SCFD1: variants seen among roughly 807,000 people sequenced by gnomAD.
SCFD1 encodes sec1 family domain containing 1, also known as sec1 family domain-containing protein 1.
Under a neutral mutation model 103.2 loss-of-function variants are expected in SCFD1, and 37 were observed. The observed-to-expected ratio is 0.36, with a 90% CI of 0.28 to 0.47. The LOEUF (loss-of-function observed/expected upper bound fraction) is 0.47, where lower values mean the gene tolerates loss of function less well. SCFD1 is among the 20% of genes least tolerant of loss of function. The pLI is 1.00. For synonymous variants in SCFD1, 264 were observed against 245.0 expected (o/e 1.08, Z -0.73); for missense variants, 639 against 761.2 (o/e 0.84, Z 1.89).
At chr14:30,638,031 T>G in intron 4 of SCFD1, 94 bp from the exon 5 acceptor site, 1 of 1,335,776 alleles carries the variant, frequency 7.5e-7, no homozygotes, top group Non-Finnish European at 9.8e-7. Context: ...AAATATCCTG[T>G]CTTTTAAATA....
At chr14:30,721,674 T>C in intron 21 of SCFD1, 1 of 539,018 alleles carries the variant, frequency 1.9e-6, no homozygotes, top group South Asian at 2.6e-5. Flanking sequence ...TTTTAGACTC[T>C]GAGATATCTC....
chr14:30,707,038 C>A (rs564880473), intron 18 of SCFD1, among the ~76,000 whole-genome samples: 79 of 152,266 alleles, frequency 5.2e-4, no homozygotes, highest in Non-Finnish European at 1.1e-3. Flanking sequence ...TCCATCTCTT[C>A]ATTTCAGAGG....
intron 19 of SCFD1, among the ~76,000 whole-genome samples, chr14:30,714,189 T>C (rs1317662061): frequency 5.2e-5 from 5 of 97,044 alleles, no homozygotes; most frequent in African/African-American, 7.4e-5. Flanking sequence ...CTACTAAAAA[T>C]ACAAAAAAAA....
intron 19 of SCFD1, 102 bp from the exon 20 acceptor site, chr14:30,715,822 A>G (rs1892240931): frequency 1.6e-5 from 10 of 622,298 alleles, no homozygotes; most frequent in Middle Eastern, 3.9e-4. Flanking sequence ...GAATGTGTTT[A>G]ATTGAAAGGT....
At chr14:30,639,715 A>C (rs1885077370) in intron 5 of SCFD1, 62 bp from the exon 6 acceptor site, 2 of 1,457,356 alleles carry the variant, frequency 1.4e-6, no homozygotes, top group African/African-American at 2.9e-5. Flanking sequence ...GAGCAAACTA[A>C]ATTTACTTTC....
intron 14 of SCFD1, among the ~76,000 whole-genome samples, chr14:30,684,408 G>C (rs938662466): frequency 6.6e-6 from 1 of 152,182 alleles, no homozygotes; most frequent in Non-Finnish European, 1.5e-5. Flanking sequence ...AACCCTGTGG[G>C]CTATAGCCAG....
intron 21 of SCFD1, 32 bp downstream of exon 21, chr14:30,719,409 AT>A (rs771342119): frequency 8.4e-6 from 13 of 1,543,388 alleles, no homozygotes; most frequent in South Asian, 5.8e-5. Context: ...TAACTTGTGG[AT>A]TTTTTCCCCT....
chr14:30,630,574 T>G lies in SCFD1; in HGVS notation c.221+9T>G, dbSNP rs1566574741. 6.8e-7 allele frequency: 1 copy of G among 1,477,486 alleles called. No homozygotes were observed. Among genetic ancestry groups the G allele is most frequent in the Non-Finnish European group, 9.4e-7 (1 of 1,058,392 alleles). The allele number at this position is 1,477,486 out of a possible 1,614,324, so 91.5% of individuals were successfully genotyped here. On this transcript the variant is annotated intron_variant, in intron 3 of 24. Transcript: ENST00000458591. ...GGAATCACTCTGCATCTGTGAGTTT[T>G]TACATATTTCTAATAGTGGTATTCA...
At chr14:30,702,208 G>T in intron 16 of SCFD1, 88 bp from the exon 17 acceptor site, 2 of 853,962 alleles carry the variant, frequency 2.3e-6, no homozygotes, top group Non-Finnish European at 1.9e-6. Flanking sequence ...CATGCCTTTG[G>T]TCTTACTTTT....
chr14:30,670,449 T>G, intron 11 of SCFD1, 54 bp downstream of exon 11: 2 of 1,313,128 alleles, frequency 1.5e-6, no homozygotes. Flanking sequence ...GAAATTAAGG[T>G]GTCATCCACC....
Position 30,719,461 on chromosome 14 carries a change from T to C in SCFD1, c.1736+84T>C. ...TTTTTTTATTATATAGTACTGCTTA[T>C]TAAAAATCCAAACTATATGGAAAAC... On this transcript the variant is annotated intron_variant, in intron 21 of 24. Transcript: ENST00000458591. The C allele has an allele frequency of 5.5e-6, 5 of 915,394 alleles. No individual in the cohort carries two copies. In the South Asian group the frequency reaches 7.5e-5, roughly 14 times the overall value. The allele number at this position is 915,394 out of a possible 1,614,324, so 56.7% of individuals were successfully genotyped here.
At chr14:30,720,583 A>G (rs749851526) in intron 21 of SCFD1, among the ~76,000 whole-genome samples, 1 of 152,170 alleles carries the variant, frequency 6.6e-6, no homozygotes, top group African/African-American at 2.4e-5. Context: ...GGATGGTTGA[A>G]TCTATACAGA....
At chr14:30,694,691 A>T in intron 14 of SCFD1, 82 bp from the exon 15 acceptor site, 1 of 1,452,402 alleles carries the variant, frequency 6.9e-7, no homozygotes, top group East Asian at 2.7e-5. Context: ...TGATCATAGA[A>T]AATAGAAACT....
At chr14:30,654,245 G>A (rs1378717641) in intron 10 of SCFD1, among the ~76,000 whole-genome samples, 3 of 152,166 alleles carry the variant, frequency 2.0e-5, no homozygotes, top group African/African-American at 7.2e-5. Context: ...ATAGACAGAC[G>A]TTAAAGAATT....
chr14:30,733,277 A>C (rs1594782388), intron 23 of SCFD1, among the ~76,000 whole-genome samples: 1 of 152,044 alleles, frequency 6.6e-6, no homozygotes, highest in South Asian at 2.1e-4. Flanking sequence ...CAAAGTGCTG[A>C]GATTACAGGC....
chr14:30,666,947 T>C (rs1888032179), intron 10 of SCFD1, among the ~76,000 whole-genome samples: 1 of 152,030 alleles, frequency 6.6e-6, no homozygotes, highest in African/African-American at 2.4e-5. Context: ...CAGGACCAGG[T>C]GAATTCACAG....
intron 7 of SCFD1, among the ~76,000 whole-genome samples, chr14:30,645,857 A>G (rs1012041785): frequency 6.6e-6 from 1 of 152,208 alleles, no homozygotes; most frequent in African/African-American, 2.4e-5. Context: ...GACTTCCAGT[A>G]CTATGTTAAA....
chr14:30,704,338 CA>C (rs1394348365), intron 17 of SCFD1, among the ~76,000 whole-genome samples: 1 of 152,000 alleles, frequency 6.6e-6, no homozygotes, highest in African/African-American at 2.4e-5. Context: ...TGCACCCAGC[CA>C]GATATTTTTT....
intron 23 of SCFD1, among the ~76,000 whole-genome samples, chr14:30,727,814 C>T (rs1327823038): frequency 1.3e-5 from 2 of 152,158 alleles, no homozygotes; most frequent in East Asian, 1.9e-4. Flanking sequence ...CAGTGCTTTT[C>T]CCCTTTGTCC....
Sources: gnomAD v4.1 joint callset for allele counts (sites outside exome capture counted in the v4.1 genomes callset) on GRCh38, gnomAD v4.1.1 for gene constraint, MANE v1.5 for transcripts, NCBI Gene and HGNC (gene_info 2026-07-23, HGNC 2026-07-21) for gene names.